Variants in SH3BP5 observed in about 807,000 individuals in gnomAD.
SH3BP5 encodes the protein SH3 domain binding protein 5.
In SH3BP5, 22 loss-of-function variants were observed where a neutral mutation model predicts 43.3. That is an observed-to-expected ratio of 0.51 (90% confidence interval 0.36 to 0.73). SH3BP5 has a LOEUF of 0.73. SH3BP5 is among the 30% of genes least tolerant of loss of function. SH3BP5 has a pLI of 0.00. For synonymous variants in SH3BP5, 255 were observed against 225.8 expected (o/e 1.13, Z -1.16); for missense variants, 529 against 586.9 (o/e 0.90, Z 1.02).
At chr3:15,273,630 G>A (rs184577277) in intron 3 of SH3BP5, among the ~76,000 whole-genome samples, 5 of 152,218 alleles carry the variant, frequency 3.3e-5, no homozygotes, top group African/African-American at 4.8e-5. Flanking sequence ...TGCACTTACC[G>A]GTTCATTCAC....
chr3:15,302,153 C>T (rs1002028773), intron 3 of SH3BP5, among the ~76,000 whole-genome samples: 5 of 152,146 alleles, frequency 3.3e-5, no homozygotes, highest in Admixed American at 3.3e-4. Flanking sequence ...AAGAATGATA[C>T]AACCTTGGCC....
intron 3 of SH3BP5, among the ~76,000 whole-genome samples, chr3:15,294,330 T>TGTGTGTGTGTGTGCGC (rs565464561): frequency 1.6e-4 from 19 of 121,504 alleles, no homozygotes; most frequent in South Asian, 2.6e-4. Flanking sequence ...TGTGTGTGTG[T>TGTGTGTGTGTGTGCGC]GCGCGCGCAT....
At chr3:15,272,554 GTA>G (rs1167066148) in intron 3 of SH3BP5, among the ~76,000 whole-genome samples, 7 of 103,044 alleles carry the variant, frequency 6.8e-5, no homozygotes, top group African/African-American at 1.5e-4. Context: ...CAGAGTGCCT[GTA>G]GGATAAAGAC....
intron 3 of SH3BP5, among the ~76,000 whole-genome samples, chr3:15,301,156 T>C (rs6793467): frequency 0.5 from 75,869 of 151,872 alleles, 19,080 homozygotes; most frequent in East Asian, 0.66. Context: ...CACAGCCAGC[T>C]GGGGACCCAA....
At chr3:15,259,656 T>G in intron 6 of SH3BP5, 105 bp downstream of exon 6, 1 of 1,068,178 alleles carries the variant, frequency 9.4e-7, no homozygotes, top group Non-Finnish European at 1.5e-6. Flanking sequence ...TCTCTCCACT[T>G]TCCCCTTATA....
chr3:15,267,476 A>G (rs1472622654), intron 4 of SH3BP5, among the ~76,000 whole-genome samples: 5 of 152,190 alleles, frequency 3.3e-5, no homozygotes, highest in East Asian at 1.9e-4. Context: ...GGGAAGAGGA[A>G]TATCAGCTCA....
At position 15,281,139 on chromosome 3, in the gene SH3BP5, G is replaced by A. The variant is rs1485913081; in HGVS notation, c.331-11262C>T. Among the ~76,000 whole-genome samples, 5 of 152,258 alleles carry A rather than the reference G, an allele frequency of 3.3e-5. No individual in the cohort carries two copies. The East Asian group carries it at 9.6e-4, about 29-fold the overall frequency. ...GGAGAGGTGGATGTATAAAGAACTG[G>A]GATGCCAGAAGAGGAAAGAGCATCT... On this transcript the variant is annotated intron_variant, in intron 3 of 8. Coordinates refer to ENST00000383791, the MANE Select transcript of SH3BP5 (RefSeq NM_004844.5).
Position 15,254,516 on chromosome 3 carries a change from G to GTTAA in SH3BP5, c.*1566_*1569dup, listed in dbSNP as rs922551480. ...CTAATGCCCCAGTGTACCCCCCCCA[G>GTTAA]TTAATTAATTAAATAATTCTCTGGG... On this transcript the variant is annotated 3_prime_UTR_variant, in exon 9 of 9. Transcript: ENST00000383791. The GTTAA allele has an allele frequency of 2.0e-5, 3 of 151,914 alleles. No individual in the cohort carries two copies. The highest frequency in any genetic ancestry group is 7.3e-5 in the African/African-American group (3 of 41,244). The allele number at this position is 151,914 out of a possible 1,614,324, so 9.4% of individuals were successfully genotyped here.
chr3:15,330,652 C>A, intron 1 of SH3BP5, 86 bp from the exon 2 acceptor site: 2 of 1,389,646 alleles, frequency 1.4e-6, no homozygotes, highest in Non-Finnish European at 1.9e-6. Context: ...TGAAAAATTA[C>A]CCCAGCCCAA....
chr3:15,284,906 T>C (rs1697223526), intron 3 of SH3BP5, among the ~76,000 whole-genome samples: 1 of 152,210 alleles, frequency 6.6e-6, no homozygotes. Flanking sequence ...GACGACCGAA[T>C]GCCTGGTGAG....
chr3:15,265,383 G>A (rs930653049), intron 4 of SH3BP5, among the ~76,000 whole-genome samples: 1 of 152,114 alleles, frequency 6.6e-6, no homozygotes, highest in Non-Finnish European at 1.5e-5. Context: ...GGGTGTGGTG[G>A]TTGGTGCCTG....
chr3:15,274,254 A>AG (rs1696898104), intron 3 of SH3BP5, among the ~76,000 whole-genome samples: 1 of 150,928 alleles, frequency 6.6e-6, no homozygotes, highest in Non-Finnish European at 1.5e-5. Flanking sequence ...TCAACAAAAA[A>AG]AAAAGAAAGA....
At chr3:15,269,608 T>C (rs1284240692) in intron 4 of SH3BP5, 105 bp downstream of exon 4, 8 of 1,272,612 alleles carry the variant, frequency 6.3e-6, no homozygotes, top group Non-Finnish European at 8.6e-6. Flanking sequence ...TTTCAGGGTG[T>C]TTTCAGGCAA....
At chr3:15,281,868 G>T (rs1697139974) in intron 3 of SH3BP5, among the ~76,000 whole-genome samples, 1 of 152,154 alleles carries the variant, frequency 6.6e-6, no homozygotes. Context: ...GCCGGGCGCG[G>T]TGGTGCATGC....
chr3:15,260,355 A>G (rs1482482074), intron 5 of SH3BP5: 2 of 158,664 alleles, frequency 1.3e-5, no homozygotes, highest in African/African-American at 4.8e-5. Flanking sequence ...GACTGGAGTT[A>G]TTAGTTGGCT....
At chr3:15,285,488 C>T (rs1238384413) in intron 3 of SH3BP5, among the ~76,000 whole-genome samples, 1 of 152,242 alleles carries the variant, frequency 6.6e-6, no homozygotes, top group Non-Finnish European at 1.5e-5. Context: ...TTTACCCTCT[C>T]TGACTTCATA....
At chr3:15,321,062 G>C (rs1427405043) in intron 2 of SH3BP5, among the ~76,000 whole-genome samples, 2 of 152,166 alleles carry the variant, frequency 1.3e-5, no homozygotes, top group African/African-American at 4.8e-5. Flanking sequence ...CTATGTTCTA[G>C]CCAATGGCCA....
chr3:15,270,141 T>G (rs942093115), intron 3 of SH3BP5, among the ~76,000 whole-genome samples: 4 of 152,156 alleles, frequency 2.6e-5, no homozygotes, highest in African/African-American at 9.7e-5. Flanking sequence ...GGCCAGAACC[T>G]GACATGGCAA....
At chr3:15,285,533 C>T (rs1697241737) in intron 3 of SH3BP5, among the ~76,000 whole-genome samples, 1 of 152,184 alleles carries the variant, frequency 6.6e-6, no homozygotes, top group Admixed American at 6.5e-5. Context: ...GTCAGTTTGC[C>T]ACGTTATAAA....
Sources: allele counts gnomAD v4.1 joint callset (sites outside exome capture counted in the v4.1 genomes callset), GRCh38; gene constraint gnomAD v4.1.1; transcripts MANE v1.5; gene names NCBI Gene and HGNC (gene_info 2026-07-23, HGNC 2026-07-21).